Variants in SART1 observed in about 807,000 individuals in gnomAD.
SART1 encodes U4/U6.U5 tri-snRNP-associated protein 1.
SART1 carries 28 observed loss-of-function variants against 105.0 expected under a neutral mutation model. The observed-to-expected ratio is 0.27, with a 90% confidence interval of 0.20 to 0.37. The LOEUF (loss-of-function observed/expected upper bound fraction) is 0.37. Among genes scored for constraint, SART1 ranks in the 10% least tolerant of loss-of-function variants. SART1 has a pLI of 1.00. For synonymous variants in SART1, 472 were observed against 462.9 expected, an observed-to-expected ratio of 1.02 and a Z score of -0.25; for missense variants, 894 against 1,106.5, an observed-to-expected ratio of 0.81 and a Z score of 2.72.
intron 12 of SART1, among the ~76,000 whole-genome samples, chr11:65,974,231 G>A (rs904246675): frequency 8.4e-5 from 12 of 142,120 alleles, no homozygotes; most frequent in Non-Finnish European, 1.4e-4. Flanking sequence ...AAAATTAGCC[G>A]AGCATGGTGG....
intron 12 of SART1, among the ~76,000 whole-genome samples, chr11:65,970,501 T>C (rs1300049543): frequency 6.6e-6 from 1 of 151,756 alleles, no homozygotes; most frequent in Non-Finnish European, 1.5e-5. Context: ...AAGTGGAGGG[T>C]GGGCTTGAGT....
Position 65,977,884 on chromosome 11 carries a change from ACT to A in SART1, c.2159_2160del (p.Leu720HisfsTer139). ...AATACGTGGATGAGACGGGCCGGAA[ACT>A]CACACCCAAGGAGGTGAGCAGGGCC... ...IEYVDETGRK[L>X]TPKEAFRQLS... On this transcript the variant is annotated frameshift_variant, in exon 17 of 20. Transcript: ENST00000312397. LOFTEE classifies it high-confidence loss of function. 1 of 1,611,810 alleles carries A rather than the reference ACT, an allele frequency of 6.2e-7. No individual in the cohort carries two copies. Among genetic ancestry groups the A allele is most frequent in the Non-Finnish European group, 8.5e-7 (1 of 1,179,232 alleles).
rs374913348 is a variant in SART1, at chr11:65,965,073, G to T, written c.428-19G>T. The T allele has an allele frequency of 1.3e-6, 2 of 1,563,760 alleles. No individual in the cohort carries two copies. Among genetic ancestry groups the T allele is most frequent in the East Asian group, 2.3e-5 (1 of 44,420 alleles). On this transcript the variant is annotated intron_variant, in intron 3 of 19. Coordinates refer to ENST00000312397, the MANE Select transcript of SART1 (RefSeq NM_005146.5). Reference sequence around the variant, plus strand: ...CAGCCATGGGCGGGCATAGCCTCACGTCTGGGCCCCCCTTCCAGAGGCGGG... The same window carrying T: ...CAGCCATGGGCGGGCATAGCCTCACTTCTGGGCCCCCCTTCCAGAGGCGGG...
chr11:65,965,057 G>A, intron 3 of SART1, 35 bp from the exon 4 acceptor site: 1 of 1,543,202 alleles, frequency 6.5e-7, no homozygotes, highest in Non-Finnish European at 8.7e-7. Flanking sequence ...CCAGCCATGG[G>A]CGGGCATAGC....
In SART1 at chr11:65,978,474, C is replaced by T. The variant is rs1454499865; in HGVS notation, c.2173-126C>T. ...TCTGTGCTCTTTTCCCATCCCCTTC[C>T]CACTGCACCCCAGGCCTGGCATTGG... On this transcript the variant is annotated intron_variant, in intron 17 of 19. Transcript: ENST00000312397. The surrounding 1 kb of genome is among the most constrained non-coding windows in gnomAD (Gnocchi z 6.8). The T allele has an allele frequency of 3.4e-6, 3 of 889,390 alleles. No individual in the cohort carries two copies. In the South Asian group the frequency reaches 4.5e-5, roughly 13 times the overall value. 55.1% of individuals were successfully genotyped at this position (889,390 alleles called of 1,614,324 possible).
In SART1 at chr11:65,976,603, CGGCTGGGTGGGCT is replaced by C; in HGVS notation, c.1746+43_1747-33del. ...GGGCGGCCCCGCCCTCTGCTTCCCT[CGGCTGGGTGGGCT>C]GGCTGGGGCCTGGGCCGACCCTGGT... On this transcript the variant is annotated intron_variant, in intron 13 of 19. Coordinates refer to ENST00000312397, the MANE Select transcript of SART1 (RefSeq NM_005146.5). This position sits in a 1 kb window ranked among gnomAD's most constrained non-coding sequence, Gnocchi z 5.1. The C allele has an allele frequency of 6.2e-7, 1 of 1,613,530 alleles. No individual in the cohort carries two copies. Among genetic ancestry groups the C allele is most frequent in the Non-Finnish European group, 8.5e-7 (1 of 1,179,888 alleles).
intron 5 of SART1, 41 bp downstream of exon 5, chr11:65,965,488 T>C (rs931317359): frequency 2.5e-5 from 39 of 1,534,684 alleles, no homozygotes; most frequent in Non-Finnish European, 3.1e-5. Context: ...CTAGTGCTTC[T>C]GGTGGCCTGA....
In SART1 at chr11:65,970,603, C is replaced by G. The variant is rs530411149; in HGVS notation, c.1572+2782C>G. On this transcript the variant is annotated intron_variant, in intron 12 of 19. Transcript: ENST00000312397. ...CCTTGTTTAGGGGAAGTCAAGGCAG[C>G]CCATGGCCGATTGTTCTGGTGTTTT... is the stretch of plus-strand genomic sequence containing the variant. Among the ~76,000 whole-genome samples the G allele has an allele frequency of 2.9e-5, 4 of 135,678 alleles. No homozygotes were observed. In the South Asian group the frequency reaches 9.8e-4, roughly 33 times the overall value. The allele number at this position is 135,678 out of a possible 152,430, so 89.0% of individuals were successfully genotyped here. A position where few individuals can be genotyped will look rare whatever the true frequency, so the allele number is the denominator to read the frequency against.
rs1429443816 is a variant in SART1, at chr11:65,979,115, G to C, written c.*85G>C. On this transcript the variant is annotated 3_prime_UTR_variant, in exon 20 of 20. Coordinates refer to ENST00000312397, the MANE Select transcript of SART1 (RefSeq NM_005146.5). The stretch of plus-strand genomic sequence containing the variant: ...TTTTTTCCTCCCTGGTCGTGGTACA[G>C]ATTCCAGGGTTGGATCTTTGGTTGG... 1 of 1,561,306 alleles carries C rather than the reference G, an allele frequency of 6.4e-7. No homozygotes were observed. The highest frequency in any genetic ancestry group is 1.7e-4 in the Middle Eastern group (1 of 5,972).
intron 12 of SART1, among the ~76,000 whole-genome samples, chr11:65,968,185 T>A (rs1363140419): frequency 6.6e-6 from 1 of 152,126 alleles, no homozygotes; most frequent in African/African-American, 2.4e-5. Context: ...CCTGACCTCA[T>A]GATCTGCCTG....
chr11:65,968,696 C>A (rs1057356222), intron 12 of SART1, among the ~76,000 whole-genome samples: 2 of 152,092 alleles, frequency 1.3e-5, no homozygotes, highest in Non-Finnish European at 2.9e-5. Context: ...GTAGACCAAC[C>A]AGCAGGTGTC....
chr11:65,965,041 T>C (rs1404634689), intron 3 of SART1, 51 bp from the exon 4 acceptor site: 1 of 1,528,164 alleles, frequency 6.5e-7, no homozygotes, highest in Non-Finnish European at 8.8e-7. Context: ...CTCCCTCCTC[T>C]CCCCACCAGC....
At chr11:65,967,618 G>T in intron 11 of SART1, 32 bp downstream of exon 11, 1 of 1,606,692 alleles carries the variant, frequency 6.2e-7, no homozygotes, top group Non-Finnish European at 8.5e-7. Context: ...GGGAGGGGCA[G>T]GGACAGGAGC....
rs753565000 is a variant in SART1, at chr11:65,978,629, T to C, written c.2202T>C (p.His734=). ...TCCGGCAGCTGTCGCACCGCTTCCA[T>C]GGCAAGGGCTCAGGCAAGATGAAGA... ...EAFRQLSHRF[H]GKGSGKMKTE... Residue 734 remains histidine (H), a synonymous_variant, in exon 18 of 20, where the codon CAT becomes CAC. Transcript: ENST00000312397. This position sits in a 1 kb window ranked among gnomAD's most constrained non-coding sequence, Gnocchi z 6.8. 3.8e-6 allele frequency: 6 copies of C among 1,579,530 alleles called. No individual in the cohort carries two copies. In the Middle Eastern group the frequency reaches 5.2e-4, roughly 136 times the overall value.
Position 65,965,961 on chromosome 11 carries a change from A to C in SART1, c.813A>C (p.Thr271=), listed in dbSNP as rs751519335. The C allele has an allele frequency of 1.2e-6, 2 of 1,614,036 alleles. No individual in the cohort carries two copies. The highest frequency in any genetic ancestry group is 2.2e-5 in the South Asian group (2 of 91,082). ...HAIDSFREGE[T]MILTLKDKGV... ...TTGATTCCTTCCGAGAAGGGGAGAC[A>C]ATGATTCTTACCCTCAAGGACAAAG... Residue 271 remains threonine, a synonymous_variant, in exon 7 of 20, where the codon ACA becomes ACC. Coordinates refer to ENST00000312397, the MANE Select transcript of SART1 (RefSeq NM_005146.5).
At chr11:65,969,068 C>G (rs1855318212) in intron 12 of SART1, among the ~76,000 whole-genome samples, 1 of 152,082 alleles carries the variant, frequency 6.6e-6, no homozygotes, top group Non-Finnish European at 1.5e-5. Flanking sequence ...AAAGTGGGGA[C>G]AGTTGCAGTG....
Position 65,961,987 on chromosome 11 carries a change from G to A in SART1, c.207G>A (p.Gly69=). 2.0e-6 allele frequency: 3 copies of A among 1,520,686 alleles called. No individual in the cohort carries two copies. Among genetic ancestry groups the A allele is most frequent in the South Asian group, 2.5e-5 (2 of 81,612 alleles). The allele number at this position is 1,520,686 out of a possible 1,614,324, so 94.2% of individuals were successfully genotyped here. ...GCGAGCGCGGGAGCGGGCGGCGCGGGGCCGAAGCTGAGGCCCGGAGCAGCA... is the reference window on the plus strand; with the variant it reads ...GCGAGCGCGGGAGCGGGCGGCGCGGAGCCGAAGCTGAGGCCCGGAGCAGCA... The part of the protein sequence containing the change: ...RGGERGSGRR[G]AEAEARSSTH... Residue 69 remains glycine (G), a synonymous_variant, in exon 1 of 20, where the codon GGG becomes GGA. Coordinates refer to ENST00000312397, the MANE Select transcript of SART1 (RefSeq NM_005146.5).
At chr11:65,963,438 T>C (rs1039592601) in intron 1 of SART1, among the ~76,000 whole-genome samples, 7 of 151,766 alleles carry the variant, frequency 4.6e-5, no homozygotes, top group African/African-American at 1.7e-4. Context: ...AAGGAGAAGG[T>C]AGGATGCAGG....
chr11:65,967,589 G>A lies in SART1; in HGVS notation c.1429+3G>A, dbSNP rs1565314200. On this transcript the variant is annotated splice_donor_region_variant and intron_variant, in intron 11 of 19. Transcript: ENST00000312397. Reference sequence around the variant, plus strand: ...GAACATGGACATCAGTGATGAGGGTGAGGGCCCGGCCAGGGGGTGGGAGGG... The same window carrying A: ...GAACATGGACATCAGTGATGAGGGTAAGGGCCCGGCCAGGGGGTGGGAGGG... The A allele has an allele frequency of 6.2e-7, 1 of 1,611,758 alleles. No individual in the cohort carries two copies. The highest frequency in any genetic ancestry group is 8.5e-7 in the Non-Finnish European group (1 of 1,179,660).
Sources: allele counts gnomAD v4.1 joint callset (sites outside exome capture counted in the v4.1 genomes callset), GRCh38; gene constraint gnomAD v4.1.1; non-coding constraint Gnocchi (gnomAD v3.1); transcripts MANE v1.5; gene names NCBI Gene and HGNC (gene_info 2026-07-23, HGNC 2026-07-21).